Variants in ROBO2 observed in about 807,000 individuals in gnomAD.
ROBO2 encodes roundabout homolog 2.
ROBO2 carries 53 observed loss-of-function variants against 160.8 expected under a neutral mutation model. That is an observed-to-expected ratio of 0.33 (90% CI 0.26 to 0.41). The LOEUF is 0.41. Among genes scored for constraint, ROBO2 ranks in the 10% least tolerant of loss-of-function variants. The probability of loss-of-function intolerance (pLI) is 1.00; values close to 1 mark genes in which losing one functional copy is unlikely to be tolerated. For synonymous variants in ROBO2, 664 were observed against 611.7 expected (o/e 1.09, Z -1.26); for missense variants, 1,577 against 1,722.4 (o/e 0.92, Z 1.49).
At chr3:76,123,436 G>A (rs994320747) in intron 2 of ROBO2, among the ~76,000 whole-genome samples, 1 of 152,080 alleles carries the variant, frequency 6.6e-6, no homozygotes, top group Non-Finnish European at 1.5e-5. Context: ...TTTCTTGTAT[G>A]TAAGTTCAAT....
chr3:77,050,049 A>T (rs1578526902), intron 1 of ROBO2, among the ~76,000 whole-genome samples: 1 of 152,230 alleles, frequency 6.6e-6, no homozygotes, highest in East Asian at 1.9e-4. Context: ...ATTTCCAAAT[A>T]CTAGCAAATG....
chr3:77,083,893 G>A (rs2068963338), intron 1 of ROBO2, among the ~76,000 whole-genome samples: 1 of 152,024 alleles, frequency 6.6e-6, no homozygotes, highest in African/African-American at 2.4e-5. Flanking sequence ...ACAAAGCCTA[G>A]AACTTTCCTT....
intron 2 of ROBO2, among the ~76,000 whole-genome samples, chr3:76,726,528 A>G (rs776219729): frequency 1.3e-5 from 2 of 152,014 alleles, no homozygotes; most frequent in Non-Finnish European, 2.9e-5. Context: ...ACAACCTTAT[A>G]ATTTACTGAT....
intron 2 of ROBO2, among the ~76,000 whole-genome samples, chr3:76,548,583 A>G (rs1328439655): frequency 6.6e-6 from 1 of 152,080 alleles, no homozygotes. Flanking sequence ...AGAAATAAAT[A>G]TGGAAAGAAA....
At chr3:77,124,354 G>A (rs569992806) in intron 2 of ROBO2, among the ~76,000 whole-genome samples, 3 of 152,210 alleles carry the variant, frequency 2.0e-5, no homozygotes, top group Non-Finnish European at 2.9e-5. Flanking sequence ...TTCAAGCCGG[G>A]AAAGAGTAGC....
intron 2 of ROBO2, among the ~76,000 whole-genome samples, chr3:76,028,601 T>G (rs1005840623): frequency 6.6e-6 from 1 of 151,882 alleles, no homozygotes; most frequent in African/African-American, 2.4e-5. Flanking sequence ...TAAAGAAATC[T>G]TCAGGAAAAT....
At position 76,146,205 on chromosome 3, in the gene ROBO2, A is replaced by G. The variant is rs75665191; in HGVS notation, c.109+208603A>G. ...ACCCCAACAGTAAAACATTCTTTAA[A>G]ACAATTACTCAACAAAACTGATTGC... On this transcript the variant is annotated intron_variant, in intron 2 of 26. Coordinates refer to the ROBO2 transcript ENST00000487694. Among the ~76,000 whole-genome samples, 661 of 152,134 alleles carry G rather than the reference A, an allele frequency of 4.3e-3. 11 individuals carry two copies. Among genetic ancestry groups the G allele is most frequent in the East Asian group, 0.035 (183 of 5,160 alleles).
At chr3:76,088,702 T>C (rs1208487479) in intron 2 of ROBO2, among the ~76,000 whole-genome samples, 1 of 152,038 alleles carries the variant, frequency 6.6e-6, no homozygotes, top group Non-Finnish European at 1.5e-5. Context: ...TCAAAATTTG[T>C]GGGAGGCAAC....
chr3:76,946,604 A>G (rs1295055768), intron 2 of ROBO2, among the ~76,000 whole-genome samples: 1 of 151,930 alleles, frequency 6.6e-6, no homozygotes, highest in East Asian at 1.9e-4. Context: ...CATCCGGCTA[A>G]TTTTTGTATT....
intron 2 of ROBO2, among the ~76,000 whole-genome samples, chr3:77,023,032 C>T (rs1192051659): frequency 6.6e-6 from 1 of 152,106 alleles, no homozygotes; most frequent in Non-Finnish European, 1.5e-5. Context: ...CTCATATATA[C>T]AATGGACATG....
At chr3:76,767,459 C>T (rs2061637809) in intron 2 of ROBO2, among the ~76,000 whole-genome samples, 1 of 151,480 alleles carries the variant, frequency 6.6e-6, no homozygotes, top group Admixed American at 6.6e-5. Context: ...TTGTAATTTA[C>T]AATATGTGAA....
At chr3:76,299,368 CAG>C (rs1339195966) in intron 2 of ROBO2, among the ~76,000 whole-genome samples, 56 of 152,118 alleles carry the variant, frequency 3.7e-4, no homozygotes, top group African/African-American at 1.3e-3. Flanking sequence ...AAGCTCAAGT[CAG>C]AGTTAAAGTG....
At chr3:76,487,012 C>T (rs1249570803) in intron 2 of ROBO2, among the ~76,000 whole-genome samples, 1 of 152,136 alleles carries the variant, frequency 6.6e-6, no homozygotes, top group Non-Finnish European at 1.5e-5. Context: ...CTTTGTCCCC[C>T]AAGTTGGAGT....
chr3:77,096,600 C>T (rs369705894), intron 1 of ROBO2, among the ~76,000 whole-genome samples: 32 of 152,132 alleles, frequency 2.1e-4, no homozygotes, highest in African/African-American at 7.2e-4. Context: ...AGGTGTCCAC[C>T]ACCCTGCCTG....
chr3:76,811,578 T>C (rs2065160050), intron 2 of ROBO2, among the ~76,000 whole-genome samples: 1 of 152,146 alleles, frequency 6.6e-6, no homozygotes, highest in Non-Finnish European at 1.5e-5. Context: ...ACTACAAGTT[T>C]TGGTGAATCA....
intron 2 of ROBO2, among the ~76,000 whole-genome samples, chr3:76,787,552 CT>C (rs1431017926): frequency 6.6e-6 from 1 of 151,336 alleles, no homozygotes; most frequent in Non-Finnish European, 1.5e-5. Flanking sequence ...GGGAATGTGA[CT>C]TTCTGCAATA....
intron 2 of ROBO2, among the ~76,000 whole-genome samples, chr3:76,512,376 C>A (rs1203573300): frequency 3.3e-5 from 5 of 151,234 alleles, no homozygotes; most frequent in Non-Finnish European, 5.9e-5. Context: ...CAGCATCACA[C>A]ATAGAGACTG....
At chr3:77,121,551 C>T (rs949292919) in intron 2 of ROBO2, among the ~76,000 whole-genome samples, 17 of 152,030 alleles carry the variant, frequency 1.1e-4, no homozygotes, top group South Asian at 2.1e-4. Flanking sequence ...CTGCAAGTAA[C>T]GAAAATTTCT....
intron 2 of ROBO2, among the ~76,000 whole-genome samples, chr3:77,237,052 G>A (rs1456931208): frequency 2.0e-5 from 3 of 151,934 alleles, no homozygotes; most frequent in Non-Finnish European, 4.4e-5. Flanking sequence ...TTTAAATTTT[G>A]TATAGAGTCA....
Sources: allele counts gnomAD v4.1 joint callset (sites outside exome capture counted in the v4.1 genomes callset), GRCh38; gene constraint gnomAD v4.1.1; transcripts MANE v1.5; gene names NCBI Gene and HGNC (gene_info 2026-07-23, HGNC 2026-07-21).